INKA2: variants seen among roughly 807,000 people sequenced by gnomAD.
INKA2 encodes PAK4-inhibitor INKA2.
In INKA2, 3 loss-of-function variants were observed where a neutral mutation model predicts 9.8. That is an observed-to-expected ratio of 0.31 (90% CI 0.14 to 0.79). The LOEUF (loss-of-function observed/expected upper bound fraction) is 0.79, where lower values mean the gene tolerates loss of function less well. Ranked by LOEUF, INKA2 falls within the 30% of genes least tolerant of loss-of-function variation. The probability of loss-of-function intolerance (pLI) is 0.62; values close to 1 mark genes in which losing one functional copy is unlikely to be tolerated. For synonymous variants in INKA2, 147 were observed against 143.3 expected (o/e 1.03, Z -0.18); for missense variants, 392 against 384.4 (o/e 1.02, Z -0.17).
At chr1:111,743,479 C>T (rs954790385), upstream of INKA2, among the ~76,000 whole-genome samples, 1 of 152,176 alleles carries the variant, frequency 6.6e-6, no homozygotes, top group African/African-American at 2.4e-5. Flanking sequence ...CTGCCAGAGC[C>T]TGAAGCTCCT....
chr1:111,728,848 C>A (rs1353215011), intron 1 of INKA2, among the ~76,000 whole-genome samples: 2 of 150,596 alleles, frequency 1.3e-5, no homozygotes, highest in East Asian at 2.0e-4. Flanking sequence ...AATGCCCAAA[C>A]CTCCTGTACT....
intron 1 of INKA2, among the ~76,000 whole-genome samples, chr1:111,750,315 C>T (rs79827236): frequency 0.013 from 1,974 of 152,234 alleles, 52 homozygotes; most frequent in African/African-American, 0.046. Context: ...GCTAGTCACC[C>T]CATAAGCCAT....
rs557749539 is a variant in INKA2, at chr1:111,751,709, GA to G, written n.124+3991del. Reference sequence around the variant, plus strand: ...CCCATTTGCATTCTAAGCTCTTTTAGAATGTGCTATGGTGGTCCTCACCTCC... The same window carrying G: ...CCCATTTGCATTCTAAGCTCTTTTAGATGTGCTATGGTGGTCCTCACCTCC... On this transcript the variant is annotated intron_variant and non_coding_transcript_variant, in intron 1 of 1. Transcript: ENST00000444059. Among the ~76,000 whole-genome samples, 265 of 152,300 alleles carry G rather than the reference GA, an allele frequency of 1.7e-3. 2 individuals are homozygous for G. Among genetic ancestry groups the G allele is most frequent in the Admixed American group, 4.2e-3 (65 of 15,300 alleles).
rs1662681034 is a variant in INKA2 at position 111,723,028 on chromosome 1, C to T, written c.*3940G>A. On this transcript the variant is annotated 3_prime_UTR_variant, in exon 2 of 2. Coordinates refer to ENST00000357260, the MANE Select transcript of INKA2 (RefSeq NM_019099.5). Reference sequence around the variant, plus strand: ...GAGATCAAGCAACATGCTCAAGCTTCCACAGTGACAGAGGGGGCTCTCAAA... The same window carrying T: ...GAGATCAAGCAACATGCTCAAGCTTTCACAGTGACAGAGGGGGCTCTCAAA... 1 of 701,098 alleles carries T rather than the reference C, an allele frequency of 1.4e-6. No homozygotes were observed. The highest frequency in any genetic ancestry group is 1.5e-5 in the South Asian group (1 of 67,466). 43.4% of individuals were successfully genotyped at this position (701,098 alleles called of 1,614,324 possible).
rs192018177 is a variant in INKA2, at chr1:111,745,995, G to A, written n.124+9706C>T. Reference sequence around the variant, plus strand: ...GAGGAGAAAAAGAGGTCACATCTCAGGTTTGGCTGTCTGCATGTTTGCTTC... The same window carrying A: ...GAGGAGAAAAAGAGGTCACATCTCAAGTTTGGCTGTCTGCATGTTTGCTTC... On this transcript the variant is annotated intron_variant and non_coding_transcript_variant, in intron 1 of 1. Transcript: ENST00000444059. The A allele has an allele frequency of 1.4e-3, 215 of 152,374 alleles. 3 individuals carry two copies. The highest frequency in any genetic ancestry group is 4.8e-3 in the African/African-American group (198 of 41,584). The allele number at this position is 152,374 out of a possible 1,614,324, so 9.4% of individuals were successfully genotyped here.
chr1:111,746,444 G>C (rs1190312691), intron 1 of INKA2: 1 of 152,196 alleles, frequency 6.6e-6, no homozygotes, highest in Non-Finnish European at 1.5e-5. Context: ...TATTCTCCAT[G>C]AATCATCATC....
chr1:111,750,201 G>A (rs543575732), intron 1 of INKA2, among the ~76,000 whole-genome samples: 1 of 152,216 alleles, frequency 6.6e-6, no homozygotes, highest in Admixed American at 6.5e-5. Context: ...ATCACCTGGG[G>A]TTCTCTTCCA....
rs1214706013 is a variant in INKA2 at position 111,724,863 on chromosome 1, T to C, written c.*2105A>G. 1 of 152,190 alleles carries C rather than the reference T, an allele frequency of 6.6e-6. No individual in the cohort carries two copies. Among genetic ancestry groups the C allele is most frequent in the South Asian group, 2.1e-4 (1 of 4,824 alleles). The allele number at this position is 152,190 out of a possible 1,614,324, so 9.4% of individuals were successfully genotyped here. On this transcript the variant is annotated 3_prime_UTR_variant, in exon 2 of 2. Coordinates refer to ENST00000357260, the MANE Select transcript of INKA2 (RefSeq NM_019099.5). Reference sequence around the variant, plus strand: ...GTCCTTTCCTTTGCTAGCAGCCTAATCGGGGCAGTTTACACGCCCCCTAAT... The same window carrying C: ...GTCCTTTCCTTTGCTAGCAGCCTAACCGGGGCAGTTTACACGCCCCCTAAT...
intron 1 of INKA2, chr1:111,745,293 A>ATATATATT (rs1358304932): frequency 4.1e-5 from 2 of 49,272 alleles, no homozygotes; most frequent in African/African-American, 7.1e-5. Flanking sequence ...ATATATATAT[A>ATATATATT]TTTTTTTTTT....
At chr1:111,745,231 T>TATATATATAC (rs1356034280) in intron 1 of INKA2, 1 of 112,722 alleles carries the variant, frequency 8.9e-6, no homozygotes, top group African/African-American at 3.7e-5. Context: ...CAAGCAAATA[T>TATATATATAC]ACACACACAC....
chr1:111,723,452 T>C lies in INKA2; in HGVS notation c.*3516A>G, dbSNP rs1662694887. 3.1e-6 allele frequency: 1 copy of C among 324,280 alleles called. No homozygotes were observed. The highest frequency in any genetic ancestry group is 2.1e-5 in the African/African-American group (1 of 46,688). 20.1% of individuals were successfully genotyped at this position (324,280 alleles called of 1,614,324 possible). A position where few individuals can be genotyped will look rare whatever the true frequency, so the allele number is the denominator to read the frequency against. ...CCACTAGCATGCCCAGCAGGGACTC[T>C]TTTCTGTTCCCTGGGCCACAAAGAA... is the stretch of plus-strand genomic sequence containing the variant. On this transcript the variant is annotated 3_prime_UTR_variant, in exon 2 of 2. Coordinates refer to ENST00000357260, the MANE Select transcript of INKA2 (RefSeq NM_019099.5).
At chr1:111,749,452 G>GCA (rs1663351102) in intron 1 of INKA2, among the ~76,000 whole-genome samples, 5 of 151,980 alleles carry the variant, frequency 3.3e-5, no homozygotes, top group African/African-American at 1.2e-4. Context: ...GTGTGCGCGC[G>GCA]CGCGCGTGCT....
At chr1:111,728,903 C>CCTTTTTTT (rs1662847026) in intron 1 of INKA2, among the ~76,000 whole-genome samples, 1 of 115,572 alleles carries the variant, frequency 8.7e-6, no homozygotes, top group African/African-American at 3.4e-5. Context: ...TGGAGCTAGG[C>CCTTTTTTT]TTTTTTTTTT....
At position 111,753,461 on chromosome 1, in the gene INKA2, TTG is replaced by T. The variant is rs542240625; in HGVS notation, n.124+2238_124+2239del. Among the ~76,000 whole-genome samples the T allele has an allele frequency of 2.5e-3, 374 of 152,324 alleles. 1 individual carries two copies. Among genetic ancestry groups the T allele is most frequent in the African/African-American group, 8.8e-3 (367 of 41,564 alleles). ...ACTTTTGACTAGTGAGAAAAAAAAT[TTG>T]TGTTATTCACCATGGTTCCCAATAA... On this transcript the variant is annotated intron_variant and non_coding_transcript_variant, in intron 1 of 1. Transcript: ENST00000444059.
chr1:111,749,371 G>A (rs1663344984), intron 1 of INKA2, among the ~76,000 whole-genome samples: 1 of 152,142 alleles, frequency 6.6e-6, no homozygotes, highest in South Asian at 2.1e-4. Context: ...CTGAGCCAGG[G>A]GTTCAGGGGC....
chr1:111,753,434 T>C (rs1008833151), intron 1 of INKA2, among the ~76,000 whole-genome samples: 2 of 152,250 alleles, frequency 1.3e-5, no homozygotes, highest in East Asian at 1.9e-4. Context: ...AACACTGTTA[T>C]AACTTTTGAC....
rs139428718 is a variant in INKA2 at position 111,727,215 on chromosome 1, C to T, written c.647G>A (p.Arg216His). ...CCGGTCACGGTCAGGCCGCACACTA[C>T]GCAAGAACTTCTTAAAGATGTTTGC... ...LTANIFKKFL[R>H]SVRPDRDRLL... is the part of the protein sequence containing the mutation. Residue 216 changes from arginine (R) to histidine (H), a missense_variant, in exon 2 of 2, where the codon CGT becomes CAT. Physicochemically the swap from Arg to His is conservative, Grantham distance 29. Coordinates refer to ENST00000357260, the MANE Select transcript of INKA2 (RefSeq NM_019099.5). 43 of 1,614,206 alleles carry T rather than the reference C, an allele frequency of 2.7e-5. No homozygotes were observed. Among genetic ancestry groups the T allele is most frequent in the East Asian group, 6.7e-5 (3 of 44,878 alleles).
At chr1:111,727,894 A>C in intron 1 of INKA2, 90 bp from the exon 2 acceptor site, 3 of 1,248,292 alleles carry the variant, frequency 2.4e-6, no homozygotes, top group Non-Finnish European at 3.5e-6. Context: ...CCACCCAAAC[A>C]TACACTTCCA....
intron 1 of INKA2, among the ~76,000 whole-genome samples, chr1:111,729,623 C>T (rs1171987687): frequency 6.6e-6 from 1 of 152,222 alleles, no homozygotes; most frequent in Non-Finnish European, 1.5e-5. Flanking sequence ...AAGTTACCAA[C>T]AGCAAACCTC....
Sources: gnomAD v4.1 joint callset for allele counts (sites outside exome capture counted in the v4.1 genomes callset) on GRCh38, gnomAD v4.1.1 for gene constraint, MANE v1.5 for transcripts, NCBI Gene and HGNC (gene_info 2026-07-23, HGNC 2026-07-21) for gene names.